RHBDL3: variants seen among roughly 807,000 people sequenced by gnomAD.
The protein encoded by RHBDL3 is rhomboid like 3, also known as rhomboid-related protein 3.
Under a neutral mutation model 48.2 loss-of-function variants are expected in RHBDL3, and 28 were observed. That is an observed-to-expected ratio of 0.58 (90% CI 0.43 to 0.80). The LOEUF is 0.80. Ranked by LOEUF, RHBDL3 falls within the 30% of genes least tolerant of loss-of-function variation. The pLI is 0.00. For synonymous variants in RHBDL3, 208 were observed against 232.3 expected (o/e 0.90, Z 0.95); for missense variants, 464 against 542.7 (o/e 0.85, Z 1.44).
chr17:32,283,765 GA>G (rs1228262746), intron 2 of RHBDL3, among the ~76,000 whole-genome samples: 2 of 152,198 alleles, frequency 1.3e-5, no homozygotes, highest in Non-Finnish European at 2.9e-5. Context: ...AAGTACCGGG[GA>G]TAAGTTGTGA....
intron 8 of RHBDL3, among the ~76,000 whole-genome samples, chr17:32,316,618 C>T (rs55896473): frequency 0.14 from 20,536 of 151,856 alleles, 1,812 homozygotes; most frequent in African/African-American, 0.24. Flanking sequence ...GCCTGGGCTC[C>T]GGTGATCCTC....
chr17:32,299,672 A>T (rs902966724), intron 6 of RHBDL3, among the ~76,000 whole-genome samples: 1 of 152,178 alleles, frequency 6.6e-6, no homozygotes, highest in Non-Finnish European at 1.5e-5. Context: ...CTCAGACCTC[A>T]CCCAAACCAG....
chr17:32,266,430 C>G (rs150865318), intron 1 of RHBDL3, 130 bp downstream of exon 1: 12,105 of 455,476 alleles, frequency 0.027, 242 homozygotes, highest in Non-Finnish European at 0.035. Flanking sequence ...TTGGCCGGGT[C>G]CCCGCGGGCA....
chr17:32,311,431 T>C (rs181097502), intron 7 of RHBDL3, among the ~76,000 whole-genome samples: 4 of 152,318 alleles, frequency 2.6e-5, no homozygotes, highest in Non-Finnish European at 5.9e-5. Flanking sequence ...ACTGGCGTTT[T>C]TTCGCTCCAT....
chr17:32,320,815 G>A, intron 8 of RHBDL3, 143 bp from the exon 9 acceptor site: 1 of 626,826 alleles, frequency 1.6e-6, no homozygotes, highest in South Asian at 1.9e-5. Flanking sequence ...AGATTTGCCT[G>A]CCTCCTTCAC....
At chr17:32,290,480 C>T (rs2040300853) in intron 4 of RHBDL3, among the ~76,000 whole-genome samples, 1 of 152,244 alleles carries the variant, frequency 6.6e-6, no homozygotes, top group African/African-American at 2.4e-5. Context: ...GATCAAATAG[C>T]TGAAATAACG....
At chr17:32,281,870 A>G (rs1201354523) in intron 2 of RHBDL3, among the ~76,000 whole-genome samples, 1 of 152,170 alleles carries the variant, frequency 6.6e-6, no homozygotes, top group East Asian at 1.9e-4. Flanking sequence ...TGGGCATCAG[A>G]GCAGTCCCTG....
At chr17:32,310,793 A>G (rs2040829367) in intron 7 of RHBDL3, among the ~76,000 whole-genome samples, 1 of 151,452 alleles carries the variant, frequency 6.6e-6, no homozygotes, top group Admixed American at 6.6e-5. Context: ...CTGAGGCAGG[A>G]GAATGGCTTG....
intron 7 of RHBDL3, among the ~76,000 whole-genome samples, chr17:32,310,563 A>T (rs969464103): frequency 7.9e-5 from 12 of 152,114 alleles, no homozygotes; most frequent in Non-Finnish European, 1.6e-4. Context: ...AAATACAAAA[A>T]TTAGGTGGGC....
chr17:32,300,732 T>C (rs796491086), intron 6 of RHBDL3, among the ~76,000 whole-genome samples: 2 of 152,304 alleles, frequency 1.3e-5, no homozygotes, highest in African/African-American at 4.8e-5. Context: ...TGATCGTGGA[T>C]GCTATGCTCA....
intron 6 of RHBDL3, among the ~76,000 whole-genome samples, chr17:32,304,175 C>T (rs1199490868): frequency 2.0e-5 from 3 of 152,222 alleles, no homozygotes; most frequent in Non-Finnish European, 4.4e-5. Flanking sequence ...GCATACCCTT[C>T]CTTTCCCCCA....
chr17:32,271,280 C>A (rs921739091), intron 2 of RHBDL3, among the ~76,000 whole-genome samples: 1 of 152,072 alleles, frequency 6.6e-6, no homozygotes, highest in Admixed American at 6.6e-5. Flanking sequence ...ATTAAGTAAG[C>A]CTTCTTTATT....
chr17:32,288,489 C>A, intron 3 of RHBDL3: 1 of 379,478 alleles, frequency 2.6e-6, no homozygotes, highest in Non-Finnish European at 4.9e-6. Flanking sequence ...TGAGTGTGAA[C>A]TTGATGGATT....
At chr17:32,270,872 A>C (rs558131233) in intron 2 of RHBDL3, among the ~76,000 whole-genome samples, 1 of 152,304 alleles carries the variant, frequency 6.6e-6, no homozygotes, top group Non-Finnish European at 1.5e-5. Context: ...CATAAATATT[A>C]GTCTGTTGTT....
intron 7 of RHBDL3, among the ~76,000 whole-genome samples, chr17:32,313,950 G>A (rs1402984502): frequency 1.3e-5 from 2 of 151,942 alleles, no homozygotes; most frequent in African/African-American, 4.8e-5. Flanking sequence ...GTAGAGACGG[G>A]ATTTCACCAT....
intron 2 of RHBDL3, among the ~76,000 whole-genome samples, chr17:32,270,384 G>T (rs2039745514): frequency 6.6e-6 from 1 of 151,744 alleles, no homozygotes; most frequent in Non-Finnish European, 1.5e-5. Context: ...AGGTGTTAGG[G>T]ATGGATTAGA....
intron 7 of RHBDL3, among the ~76,000 whole-genome samples, chr17:32,308,800 G>C (rs2040769846): frequency 6.6e-6 from 1 of 152,122 alleles, no homozygotes; most frequent in Admixed American, 6.5e-5. Flanking sequence ...GGGCACAGTG[G>C]CTCACGCCTG....
chr17:32,283,569 C>T (rs1037516970), intron 2 of RHBDL3, among the ~76,000 whole-genome samples: 19 of 151,868 alleles, frequency 1.3e-4, no homozygotes, highest in African/African-American at 2.2e-4. Context: ...GTGATCCGCC[C>T]GCCTTGGCCT....
At chr17:32,316,013 C>A (rs2040964598) in intron 7 of RHBDL3, among the ~76,000 whole-genome samples, 1 of 152,010 alleles carries the variant, frequency 6.6e-6, no homozygotes, top group Non-Finnish European at 1.5e-5. Context: ...TCTGGAGTCC[C>A]TTCCTCTTGT....
Sources: gnomAD v4.1 joint callset for allele counts (sites outside exome capture counted in the v4.1 genomes callset) on GRCh38, gnomAD v4.1.1 for gene constraint, MANE v1.5 for transcripts, NCBI Gene and HGNC (gene_info 2026-07-23, HGNC 2026-07-21) for gene names.